Variants in FTO observed in about 807,000 individuals in gnomAD.
The protein encoded by FTO is alpha-ketoglutarate-dependent dioxygenase FTO.
In FTO, 47 loss-of-function variants were observed where a neutral mutation model predicts 63.9. That is an observed-to-expected ratio of 0.74 (90% CI 0.58 to 0.94). The LOEUF (loss-of-function observed/expected upper bound fraction) is 0.94, where lower values mean the gene tolerates loss of function less well. FTO is among the 40% of genes least tolerant of loss of function. FTO has a pLI of 0.00. For missense variants in FTO, 562 were observed against 618.1 expected, an observed-to-expected ratio of 0.91 and a Z score of 0.96; for synonymous variants, 207 against 224.4, an observed-to-expected ratio of 0.92 and a Z score of 0.69.
chr16:53,764,094 A>C (rs2077133618), intron 1 of FTO: 1 of 152,210 alleles, frequency 6.6e-6, no homozygotes, highest in Non-Finnish European at 1.5e-5. Context: ...GCTTGTAAGC[A>C]TTCAGCACGG....
intron 8 of FTO, among the ~76,000 whole-genome samples, chr16:54,048,269 A>G: frequency 6.7e-6 from 1 of 150,332 alleles, no homozygotes; most frequent in East Asian, 1.9e-4. Flanking sequence ...AAAAAAAAAA[A>G]AAAAGAAGCT....
At chr16:53,788,230 C>T (rs66908032) in intron 1 of FTO, among the ~76,000 whole-genome samples, 1 of 151,776 alleles carries the variant, frequency 6.6e-6, no homozygotes, top group Non-Finnish European at 1.5e-5. Context: ...CTTTCTCTTT[C>T]GTCTTTATTC....
intron 1 of FTO, among the ~76,000 whole-genome samples, chr16:53,725,960 TG>T (rs1217299786): frequency 9.8e-5 from 15 of 152,334 alleles, no homozygotes; most frequent in Admixed American, 2.6e-4. Context: ...ATGACAATCA[TG>T]TGGCCTGTAA....
intron 7 of FTO, among the ~76,000 whole-genome samples, chr16:53,931,477 T>C (rs1310556903): frequency 1.3e-5 from 2 of 152,112 alleles, no homozygotes; most frequent in Admixed American, 6.5e-5. Context: ...CAGCTAATTT[T>C]CTATATTTTC....
intron 8 of FTO, among the ~76,000 whole-genome samples, chr16:54,093,314 G>A (rs1471473229): frequency 7.2e-5 from 11 of 152,230 alleles, no homozygotes; most frequent in South Asian, 4.1e-4. Flanking sequence ...ATCAGCTAGC[G>A]CGGCAGAAAA....
intron 4 of FTO, among the ~76,000 whole-genome samples, chr16:53,852,409 G>A (rs1454031250): frequency 9.2e-5 from 14 of 152,148 alleles, no homozygotes; most frequent in Admixed American, 9.2e-4. Context: ...CTTAGAACCA[G>A]TTTATAGATA....
intron 1 of FTO, among the ~76,000 whole-genome samples, chr16:53,805,692 G>A (rs984579278): frequency 2.6e-5 from 4 of 151,948 alleles, no homozygotes; most frequent in African/African-American, 7.3e-5. Context: ...TCAGGTGATC[G>A]TCCTGCCTCC....
chr16:53,706,468 G>GT (rs1434890699), intron 1 of FTO, among the ~76,000 whole-genome samples: 3 of 152,038 alleles, frequency 2.0e-5, no homozygotes, highest in Non-Finnish European at 2.9e-5. Context: ...CCACTGATAT[G>GT]TTTTTTGTCT....
At chr16:53,935,729 A>C (rs921362732) in intron 8 of FTO, 1 of 152,208 alleles carries the variant, frequency 6.6e-6, no homozygotes, top group African/African-American at 2.4e-5. Context: ...GGTTTCAACT[A>C]AAGTAATGAC....
chr16:53,759,687 CCTT>C lies in FTO; in HGVS notation c.46-50450_46-50448del, dbSNP rs148439013. 4.1e-3 allele frequency among the ~76,000 whole-genome samples: 325 copies of C among 79,478 alleles called. 7 individuals are homozygous for C. Among genetic ancestry groups the C allele is most frequent in the African/African-American group, 6.5e-3 (78 of 11,938 alleles). 52.1% of individuals were successfully genotyped at this position (79,478 alleles called of 152,430 possible). A position where few individuals can be genotyped will look rare whatever the true frequency, so the allele number is the denominator to read the frequency against. On this transcript the variant is annotated intron_variant, in intron 1 of 8. Coordinates refer to ENST00000471389, the MANE Select transcript of FTO (RefSeq NM_001080432.3). ...CCAGCCTGGGTGACCGAAAAAGACT[CCTT>C]CTCAAAAAAAAAAAAAAAAAAAAAA...
At chr16:53,754,221 T>G (rs1189704177) in intron 1 of FTO, among the ~76,000 whole-genome samples, 1 of 152,236 alleles carries the variant, frequency 6.6e-6, no homozygotes, top group East Asian at 1.9e-4. Context: ...ATAGCACAGC[T>G]GAAGCACACT....
chr16:53,829,856 A>G (rs543304780), intron 3 of FTO, among the ~76,000 whole-genome samples: 1 of 152,204 alleles, frequency 6.6e-6, no homozygotes, highest in African/African-American at 2.4e-5. Flanking sequence ...CATTTTACAA[A>G]TGAAAACACC....
At chr16:54,098,124 C>T (rs2086556191) in intron 8 of FTO, among the ~76,000 whole-genome samples, 1 of 152,154 alleles carries the variant, frequency 6.6e-6, no homozygotes. Context: ...CTGTGGACCA[C>T]TGTAAGAATT....
intron 8 of FTO, among the ~76,000 whole-genome samples, chr16:54,020,977 A>AG (rs1162247453): frequency 4.6e-5 from 7 of 152,160 alleles, no homozygotes; most frequent in African/African-American, 1.2e-4. Context: ...TCTCAAAAAA[A>AG]GAAAAAAAAA....
chr16:53,965,259 A>G (rs1019167059), intron 8 of FTO, among the ~76,000 whole-genome samples: 3 of 152,160 alleles, frequency 2.0e-5, no homozygotes, highest in African/African-American at 7.2e-5. Context: ...TATTTTTAGT[A>G]GAGACGGGGT....
At chr16:53,904,958 G>T (rs1220177196) in intron 7 of FTO, among the ~76,000 whole-genome samples, 1 of 151,998 alleles carries the variant, frequency 6.6e-6, no homozygotes, top group Admixed American at 6.6e-5. Context: ...TTTATTTCAA[G>T]AAGACTTTGC....
chr16:53,941,102 G>A (rs775163408), intron 8 of FTO, among the ~76,000 whole-genome samples: 9 of 152,226 alleles, frequency 5.9e-5, no homozygotes, highest in Non-Finnish European at 8.8e-5. Context: ...GTTCTCCACC[G>A]GTATCTGTCT....
chr16:53,888,983 T>G (rs370874825), intron 7 of FTO, 32 bp downstream of exon 7: 112 of 1,612,020 alleles, frequency 6.9e-5, no homozygotes, highest in Non-Finnish European at 9.2e-5. Context: ...CCGTGTTTTC[T>G]GGGCTGCTGT....
Position 54,070,310 on chromosome 16 carries a change from G to A in FTO, c.1365-41452G>A, listed in dbSNP as rs1046739590. ...ATCCTGATTTTATATAGCATTCTTT[G>A]ATTAAAGGCAATTCATTTTAAAATG... On this transcript the variant is annotated intron_variant, in intron 8 of 8. Transcript: ENST00000471389. 3 of 151,906 alleles carry A rather than the reference G, an allele frequency of 2.0e-5. No individual in the cohort carries two copies. The East Asian group carries it at 5.8e-4, about 29-fold the overall frequency. 9.4% of individuals were successfully genotyped at this position (151,906 alleles called of 1,614,324 possible).
Sources: gnomAD v4.1 joint callset for allele counts (sites outside exome capture counted in the v4.1 genomes callset) on GRCh38, gnomAD v4.1.1 for gene constraint, MANE v1.5 for transcripts, NCBI Gene and HGNC (gene_info 2026-07-23, HGNC 2026-07-21) for gene names.